Variants in SDR16C5 observed in about 807,000 individuals in gnomAD.
The protein encoded by SDR16C5 is epidermal retinol dehydrogenase 2.
Under a neutral mutation model 27.7 loss-of-function variants are expected in SDR16C5, and 20 were observed. The observed-to-expected ratio is 0.72, with a 90% CI of 0.51 to 1.05. SDR16C5 has a LOEUF of 1.05. SDR16C5 is among the 50% of genes least tolerant of loss of function. The pLI, the probability that SDR16C5 is intolerant of heterozygous loss-of-function variation, is 0.00. For synonymous variants in SDR16C5, 139 were observed against 132.3 expected (o/e 1.05, Z -0.35); for missense variants, 374 against 366.3 (o/e 1.02, Z -0.17).
chr8:56,312,935 C>T (rs994464837), intron 2 of SDR16C5, among the ~76,000 whole-genome samples: 2 of 151,960 alleles, frequency 1.3e-5, no homozygotes, highest in African/African-American at 4.8e-5. Flanking sequence ...CACCACCACA[C>T]CCGGCTAATT....
intron 6 of SDR16C5, 42 bp from the exon 7 acceptor site, chr8:56,301,615 T>C: frequency 1.4e-6 from 2 of 1,437,986 alleles, no homozygotes; most frequent in Admixed American, 1.7e-5. Flanking sequence ...TTATCATTCA[T>C]GAAAGCCTCT....
chr8:56,313,028 G>A (rs1386408234), intron 2 of SDR16C5, among the ~76,000 whole-genome samples: 1 of 152,040 alleles, frequency 6.6e-6, no homozygotes, highest in African/African-American at 2.4e-5. Context: ...CACCCGTCTT[G>A]GCCTCCCAAA....
intron 6 of SDR16C5, among the ~76,000 whole-genome samples, chr8:56,302,382 T>C (rs183446424): frequency 6.6e-6 from 1 of 152,244 alleles, no homozygotes; most frequent in Non-Finnish European, 1.5e-5. Context: ...TTCTTAAAAT[T>C]AATTCTCACC....
intron 4 of SDR16C5, among the ~76,000 whole-genome samples, chr8:56,308,616 A>G (rs1378237541): frequency 1.3e-5 from 2 of 152,230 alleles, no homozygotes; most frequent in Non-Finnish European, 2.9e-5. Context: ...TGACAGTGTC[A>G]GTGTGAACTT....
At chr8:56,303,253 T>G (rs1335302050) in intron 6 of SDR16C5, among the ~76,000 whole-genome samples, 1 of 150,470 alleles carries the variant, frequency 6.6e-6, no homozygotes, top group Non-Finnish European at 1.5e-5. Flanking sequence ...AGGCGGGGGT[T>G]GCAGTGAGCC....
intron 5 of SDR16C5, 25 bp downstream of exon 5, chr8:56,306,651 C>A (rs1440789752): frequency 1.9e-6 from 3 of 1,543,998 alleles, no homozygotes; most frequent in East Asian, 2.3e-5. Context: ...AGTGTAGATT[C>A]TTTGAAATTA....
chr8:56,319,601 G>T (rs1270538027), intron 1 of SDR16C5, among the ~76,000 whole-genome samples: 1 of 152,212 alleles, frequency 6.6e-6, no homozygotes, highest in Non-Finnish European at 1.5e-5. Context: ...GTCGGCTCTG[G>T]TGAGGGCACC....
intron 5 of SDR16C5, 85 bp from the exon 6 acceptor site, chr8:56,305,807 G>A: frequency 5.8e-6 from 8 of 1,372,068 alleles, no homozygotes; most frequent in Non-Finnish European, 7.9e-6. Flanking sequence ...AGGGATAAAA[G>A]GTTTTAAGAC....
chr8:56,306,925 G>A lies in SDR16C5; in HGVS notation c.566-105C>T, dbSNP rs866327844. 25 of 1,003,122 alleles carry A rather than the reference G, an allele frequency of 2.5e-5. No homozygotes were observed. In the South Asian group the frequency reaches 3.8e-4, roughly 15 times the overall value. The allele number at this position is 1,003,122 out of a possible 1,614,324, so 62.1% of individuals were successfully genotyped here. A position where few individuals can be genotyped will look rare whatever the true frequency, so the allele number is the denominator to read the frequency against. On this transcript the variant is annotated intron_variant, in intron 4 of 6. Transcript: ENST00000303749. ...AGCGACAGAAAATAAGACAATTTCA[G>A]AGTTCTCCTTTTGTGTAATCTTGGT...
Position 56,320,130 on chromosome 8 carries a change from G to A in SDR16C5, c.-86C>T, listed in dbSNP as rs947483784. 6.6e-6 allele frequency: 1 copy of A among 152,268 alleles called. No individual in the cohort carries two copies. The allele number at this position is 152,268 out of a possible 1,614,324, so 9.4% of individuals were successfully genotyped here. On this transcript the variant is annotated 5_prime_UTR_variant, in exon 1 of 7. Transcript: ENST00000303749. The stretch of plus-strand genomic sequence containing the variant: ...CCCCAGGCACCCGAGTCCCTGGCTC[G>A]GAGCTCAGTCAGGTTCAGGTGTTTA...
chr8:56,306,610 G>A, intron 5 of SDR16C5, 66 bp downstream of exon 5: 2 of 1,385,340 alleles, frequency 1.4e-6, no homozygotes, highest in East Asian at 2.4e-5. Flanking sequence ...TTAAAAAAAA[G>A]AACAAAATAA....
At chr8:56,305,797 A>G in intron 5 of SDR16C5, 75 bp from the exon 6 acceptor site, 1 of 1,453,390 alleles carries the variant, frequency 6.9e-7, no homozygotes, top group Non-Finnish European at 9.2e-7. Context: ...TTTTCAAATT[A>G]GGGATAAAAG....
In SDR16C5 at chr8:56,301,223, G is replaced by A. The variant is rs1043825127; in HGVS notation, c.*257C>T. ...GGCTTATCACTTTCTTACATCTGTG[G>A]TAATGGAAATGACAAAAATGGGCTG... is the stretch of plus-strand genomic sequence containing the variant. On this transcript the variant is annotated 3_prime_UTR_variant, in exon 7 of 7. Transcript: ENST00000303749. The A allele has an allele frequency of 2.7e-6, 1 of 374,344 alleles. No homozygotes were observed. Among genetic ancestry groups the A allele is most frequent in the African/African-American group, 2.1e-5 (1 of 48,480 alleles). 23.2% of individuals were successfully genotyped at this position (374,344 alleles called of 1,614,324 possible).
chr8:56,312,384 A>T, intron 2 of SDR16C5, 96 bp from the exon 3 acceptor site: 5 of 1,141,976 alleles, frequency 4.4e-6, no homozygotes, highest in Non-Finnish European at 6.5e-6. Flanking sequence ...ATCCTGGTTA[A>T]TTCATACTGA....
rs762720104 is a variant in SDR16C5 at position 56,316,373 on chromosome 8, G to A, written c.-14-12C>T. 36 of 1,525,620 alleles carry A rather than the reference G, an allele frequency of 2.4e-5. No homozygotes were observed. The highest frequency in any genetic ancestry group is 9.6e-5 in the African/African-American group (7 of 72,998). The allele number at this position is 1,525,620 out of a possible 1,614,324, so 94.5% of individuals were successfully genotyped here. On this transcript the variant is annotated splice_polypyrimidine_tract_variant and intron_variant, in intron 1 of 6. Coordinates refer to ENST00000303749, the MANE Select transcript of SDR16C5 (RefSeq NM_138969.4). ...GTTCTGGCTGACACCTGTGAAGAAA[G>A]ACAGATTCACATGAAGACTTATTTG...
intron 1 of SDR16C5, among the ~76,000 whole-genome samples, chr8:56,319,528 A>G (rs754292138): frequency 7.2e-5 from 11 of 152,186 alleles, no homozygotes; most frequent in Admixed American, 6.5e-4. Context: ...AGGTGTCCCT[A>G]TCTCGCGGCC....
At chr8:56,306,528 T>C (rs1289222842) in intron 5 of SDR16C5, 148 bp downstream of exon 5, 21 of 753,222 alleles carry the variant, frequency 2.8e-5, no homozygotes, top group South Asian at 4.4e-5. Flanking sequence ...CACAAACACA[T>C]ACTAAGAAAG....
chr8:56,308,399 T>C (rs4738474), intron 4 of SDR16C5, among the ~76,000 whole-genome samples: 148,312 of 152,324 alleles, frequency 0.97, 72,207 homozygotes, highest in Middle Eastern at 1. Flanking sequence ...CTCTTTGCCC[T>C]CTCCCCACTG....
intron 3 of SDR16C5, among the ~76,000 whole-genome samples, chr8:56,311,111 T>C (rs1260517951): frequency 1.3e-5 from 2 of 152,152 alleles, no homozygotes; most frequent in African/African-American, 4.8e-5. Flanking sequence ...TGCCCAGGAA[T>C]GACGAGCTAC....
Sources: gnomAD v4.1 joint callset for allele counts (sites outside exome capture counted in the v4.1 genomes callset) on GRCh38, gnomAD v4.1.1 for gene constraint, MANE v1.5 for transcripts, NCBI Gene and HGNC (gene_info 2026-07-23, HGNC 2026-07-21) for gene names.